THSD1: variants seen among roughly 807,000 people sequenced by gnomAD.
THSD1 encodes the protein thrombospondin type 1 domain containing 1, also known as thrombospondin type-1 domain-containing protein 1.
A neutral mutation model predicts 46.3 loss-of-function variants in THSD1; 34 were observed. The ratio of observed to expected loss-of-function variants is 0.74; its 90% CI spans 0.56 to 0.98. THSD1 has a LOEUF of 0.98. THSD1 is among the 50% of genes least tolerant of loss of function. The pLI, the probability that THSD1 is intolerant of heterozygous loss-of-function variation, is 0.00. For missense variants in THSD1, 1,023 were observed against 1,058.3 expected (o/e 0.97, Z 0.46); for synonymous variants, 407 against 416.5 (o/e 0.98, Z 0.28).
At chr13:52,404,645 A>G (rs1039003592) in intron 1 of THSD1, among the ~76,000 whole-genome samples, 2 of 152,242 alleles carry the variant, frequency 1.3e-5, no homozygotes, top group Non-Finnish European at 2.9e-5. Context: ...TGCAGAACAC[A>G]TCACATCACT....
intron 4 of THSD1, among the ~76,000 whole-genome samples, chr13:52,382,932 G>A (rs1957703805): frequency 2.0e-5 from 3 of 151,932 alleles, no homozygotes; most frequent in Admixed American, 2.0e-4. Flanking sequence ...AACCCAGGAG[G>A]CGGAGGTTGC....
chr13:52,377,982 C>G lies in THSD1; in HGVS notation c.1988G>C (p.Arg663Pro), dbSNP rs531663072. 4.3e-6 allele frequency: 7 copies of G among 1,614,126 alleles called. No individual in the cohort carries two copies. The highest frequency in any genetic ancestry group is 5.1e-6 in the Non-Finnish European group (6 of 1,180,044). ...GGACATGCTCCTCTCTCGGAACGGCCGGGCCTGCCTGGCTTCATGGAAACT... is the reference window on the plus strand; with the variant it reads ...GGACATGCTCCTCTCTCGGAACGGCGGGGCCTGCCTGGCTTCATGGAAACT... ...TASFHEARQA[R>P]PFRERSMSTL... Residue 663 changes from arginine to proline, a missense_variant, in exon 5 of 5, where the codon CGG becomes CCG. By Grantham distance (103) the Arg-to-Pro change is moderately radical. Coordinates refer to ENST00000258613, the MANE Select transcript of THSD1 (RefSeq NM_018676.4).
chr13:52,379,726 GCCTC>G (rs1452346429), intron 4 of THSD1, among the ~76,000 whole-genome samples: 6 of 151,998 alleles, frequency 3.9e-5, no homozygotes, highest in African/African-American at 9.7e-5. Flanking sequence ...GCCCACCTCG[GCCTC>G]CCAAAGTGCT....
At chr13:52,387,269 G>C (rs929923347) in intron 3 of THSD1, among the ~76,000 whole-genome samples, 9 of 152,158 alleles carry the variant, frequency 5.9e-5, no homozygotes, top group Non-Finnish European at 1.3e-4. Flanking sequence ...ACTGAGGGTA[G>C]CCATAACAAT....
At chr13:52,399,711 T>TTC (rs1293286813) in intron 2 of THSD1, among the ~76,000 whole-genome samples, 2 of 152,230 alleles carry the variant, frequency 1.3e-5, no homozygotes. Flanking sequence ...AGTTCTTTTT[T>TTC]TCTCCAATTA....
Position 52,377,777 on chromosome 13 carries a change from C to G in THSD1, c.2193G>C (p.Leu731Phe). 1 of 1,614,184 alleles carries G rather than the reference C, an allele frequency of 6.2e-7. No homozygotes were observed. Among genetic ancestry groups the G allele is most frequent in the Admixed American group, 1.7e-5 (1 of 60,024 alleles). ...PLNPLPKSYT[L>F]GQPLRKPDLG... ...GGTCTGGTTTCCTCAAGGGCTGCCC[C>G]AAAGTGTAGGATTTAGGGAGAGGGT... The change falls in exon 5 of 5, where the codon TTG (leucine) becomes TTC (phenylalanine). Residue 731 changes from leucine (L) to phenylalanine (F), a missense_variant. This residue lies in a region of THSD1 where 578 missense variants were observed against 497.4 expected (regional missense o/e 1.16). Coordinates refer to ENST00000258613, the MANE Select transcript of THSD1 (RefSeq NM_018676.4).
intron 3 of THSD1, among the ~76,000 whole-genome samples, chr13:52,390,219 A>G (rs761233839): frequency 1.3e-5 from 2 of 152,126 alleles, no homozygotes; most frequent in Non-Finnish European, 2.9e-5. Flanking sequence ...GATCTTGCCA[A>G]CACTGGCCAC....
chr13:52,391,867 C>A (rs1486105825), intron 3 of THSD1, among the ~76,000 whole-genome samples: 2 of 150,816 alleles, frequency 1.3e-5, no homozygotes, highest in Non-Finnish European at 3.0e-5. Flanking sequence ...AAAAAAATCT[C>A]ATTTTGAAAT....
rs774017424 is a variant in THSD1, at chr13:52,397,343, T to TA, written c.909dup (p.Asn304Ter). 3 of 1,613,966 alleles carry TA rather than the reference T, an allele frequency of 1.9e-6. No homozygotes were observed. The highest frequency in any genetic ancestry group is 2.7e-5 in the African/African-American group (2 of 74,904). On this transcript the variant is annotated frameshift_variant, in exon 3 of 5. Coordinates refer to ENST00000258613, the MANE Select transcript of THSD1 (RefSeq NM_018676.4). LOFTEE classifies it high-confidence loss of function. Reference sequence around the variant, plus strand: ...TTCCCCATGTCAAACAAAGTACAGTTAAAAATTGTCCTCCTCTCTCCCAGG... The same window carrying TA: ...TTCCCCATGTCAAACAAAGTACAGTTAAAAAATTGTCCTCCTCTCTCCCAGG...
In THSD1 at chr13:52,378,357, TTTAACTGC is replaced by T; in HGVS notation, c.1605_1612del (p.Gln536GlyfsTer27). The T allele has an allele frequency of 6.2e-7, 1 of 1,614,154 alleles. No homozygotes were observed. Among genetic ancestry groups the T allele is most frequent in the Non-Finnish European group, 8.5e-7 (1 of 1,180,042 alleles). The stretch of plus-strand genomic sequence containing the variant: ...CGTCAGACCTTTCTTTTTCATCTCC[TTTAACTGC>T]TGCTGGGCAAGGCGGTAGCTGAACA... On this transcript the variant is annotated frameshift_variant, in exon 5 of 5. Coordinates refer to ENST00000258613, the MANE Select transcript of THSD1 (RefSeq NM_018676.4). LOFTEE classifies it low-confidence loss of function (END_TRUNC).
chr13:52,377,924 G>A lies in THSD1; in HGVS notation c.2046C>T (p.Ser682=). Residue 682 remains serine, a synonymous_variant, in exon 5 of 5, where the codon AGC becomes AGT. Transcript: ENST00000258613. ...TLTPRQAPAY[S]SRTRTCEQAE... is the part of the protein sequence containing the mutation. The stretch of plus-strand genomic sequence containing the variant: ...CCTGCTCGCAGGTCCGCGTCCTAGA[G>A]CTGTAGGCAGGGGCCTGCCGTGGAG... 6.2e-7 allele frequency: 1 copy of A among 1,614,182 alleles called. No homozygotes were observed. The highest frequency in any genetic ancestry group is 1.1e-5 in the South Asian group (1 of 91,092).
rs1369562924 is a variant in THSD1 at position 52,398,296 on chromosome 13, G to A, written c.59-102C>T. The A allele has an allele frequency of 2.7e-6, 4 of 1,491,214 alleles. No individual in the cohort carries two copies. The African/African-American group carries it at 5.6e-5, about 21-fold the overall frequency. The allele number at this position is 1,491,214 out of a possible 1,614,324, so 92.4% of individuals were successfully genotyped here. ...ATTTTTAAATTTTTTTTTGAGACAG[G>A]GTCTCATGCTGTCACCGAGGCTAGA... is the stretch of plus-strand genomic sequence containing the variant. On this transcript the variant is annotated intron_variant, in intron 2 of 4. Transcript: ENST00000258613.
At chr13:52,402,813 A>T (rs1957875189) in intron 1 of THSD1, 132 bp from the exon 2 acceptor site, 2 of 1,356,660 alleles carry the variant, frequency 1.5e-6, no homozygotes, top group South Asian at 3.6e-5. Flanking sequence ...GAGGACACTA[A>T]TTTTCCCTGG....
At chr13:52,379,633 C>T (rs921498798) in intron 4 of THSD1, among the ~76,000 whole-genome samples, 3 of 152,112 alleles carry the variant, frequency 2.0e-5, no homozygotes, top group East Asian at 1.9e-4. Context: ...TGCCACCACC[C>T]CTGGCTCATT....
At chr13:52,397,190 G>A in intron 3 of THSD1, 42 bp downstream of exon 3, 1 of 1,467,116 alleles carries the variant, frequency 6.8e-7, no homozygotes, top group South Asian at 1.4e-5. Flanking sequence ...TTGATTACAT[G>A]AAGGATTTGA....
intron 4 of THSD1, among the ~76,000 whole-genome samples, chr13:52,382,628 T>A (rs1036084989): frequency 2.0e-5 from 3 of 152,148 alleles, no homozygotes; most frequent in Non-Finnish European, 4.4e-5. Context: ...CTGCCTTCAT[T>A]CATTGCTCCC....
At chr13:52,404,503 C>G (rs1284577818) in intron 1 of THSD1, among the ~76,000 whole-genome samples, 8 of 152,032 alleles carry the variant, frequency 5.3e-5, no homozygotes, top group Admixed American at 5.2e-4. Flanking sequence ...TCCCCGCCAC[C>G]CCCACCCAAA....
chr13:52,398,692 T>C (rs1957830355), intron 2 of THSD1: 3 of 762,832 alleles, frequency 3.9e-6, no homozygotes, highest in Non-Finnish European at 4.8e-6. Flanking sequence ...TTTAAAATAA[T>C]TAGTGGTAAA....
intron 3 of THSD1, among the ~76,000 whole-genome samples, chr13:52,393,915 C>A (rs1162783397): frequency 1.3e-5 from 2 of 152,212 alleles, no homozygotes; most frequent in Non-Finnish European, 2.9e-5. Context: ...CTCAGACCAA[C>A]AGAGTCAGAG....
Sources: allele counts gnomAD v4.1 joint callset (sites outside exome capture counted in the v4.1 genomes callset), GRCh38; gene constraint gnomAD v4.1.1; regional missense constraint gnomAD v4.1.1; transcripts MANE v1.5; gene names NCBI Gene and HGNC (gene_info 2026-07-23, HGNC 2026-07-21).